Variants in NCAPD2 observed in about 807,000 individuals in gnomAD.
NCAPD2 encodes condensin complex subunit 1.
In NCAPD2, 100 loss-of-function variants were observed where a neutral mutation model predicts 164.5. The ratio of observed to expected loss-of-function variants is 0.61; its 90% CI spans 0.52 to 0.72. The LOEUF is 0.72. Ranked by LOEUF, NCAPD2 falls within the 30% of genes least tolerant of loss-of-function variation. NCAPD2 has a pLI of 0.00. For synonymous variants in NCAPD2, 585 were observed against 642.6 expected (o/e 0.91, Z 1.36); for missense variants, 1,560 against 1,749.2 (o/e 0.89, Z 1.93).
intron 1 of NCAPD2, 66 bp from the exon 2 acceptor site, chr12:6,495,010 A>G: frequency 2.0e-6 from 3 of 1,519,278 alleles, no homozygotes; most frequent in Non-Finnish European, 2.7e-6. Context: ...ATGGGAAAGT[A>G]ATAGAACCAG....
At chr12:6,510,278 C>T (rs1946134056) in intron 4 of NCAPD2, 145 bp downstream of exon 4, 1 of 933,994 alleles carries the variant, frequency 1.1e-6, no homozygotes, top group African/African-American at 1.6e-5. Context: ...AGCCCAGGGA[C>T]CTTTGGCCTG....
intron 6 of NCAPD2, among the ~76,000 whole-genome samples, chr12:6,512,717 G>A (rs186011282): frequency 7.9e-5 from 12 of 152,328 alleles, no homozygotes; most frequent in African/African-American, 2.2e-4. Context: ...TATTGAAATC[G>A]ACTATGGAGG....
At chr12:6,513,594 G>A (rs1946170500) in intron 6 of NCAPD2, among the ~76,000 whole-genome samples, 1 of 152,002 alleles carries the variant, frequency 6.6e-6, no homozygotes, top group Admixed American at 6.6e-5. Context: ...GCGAGATAAA[G>A]CATATATTTC....
chr12:6,501,262 G>T lies in NCAPD2; in HGVS notation c.127+6037G>T, dbSNP rs190251780. Among the ~76,000 whole-genome samples, 335 of 115,872 alleles carry T rather than the reference G, an allele frequency of 2.9e-3. 6 individuals are homozygous for T. Among genetic ancestry groups the T allele is most frequent in the African/African-American group, 0.011 (323 of 30,144 alleles). 76.0% of individuals were successfully genotyped at this position (115,872 alleles called of 152,430 possible). A position where few individuals can be genotyped will look rare whatever the true frequency, so the allele number is the denominator to read the frequency against. On this transcript the variant is annotated intron_variant, in intron 2 of 31. Transcript: ENST00000315579. The stretch of plus-strand genomic sequence containing the variant: ...TTTTTTTTTTTTTTTTTTTTTTTAG[G>T]CAGAGTCTCGCTCTCTCGCCCAGGC...
intron 2 of NCAPD2, among the ~76,000 whole-genome samples, chr12:6,503,603 C>G (rs1330453951): frequency 1.3e-5 from 2 of 152,032 alleles, no homozygotes; most frequent in African/African-American, 4.8e-5. Context: ...AACCCCGTCT[C>G]TACTAAAAAT....
chr12:6,518,504 GTTTTTTTTTT>G (rs56183938), intron 13 of NCAPD2, among the ~76,000 whole-genome samples: 14 of 44,782 alleles, frequency 3.1e-4, no homozygotes, highest in South Asian at 2.5e-3. Context: ...CCGTCAACAA[GTTTTTTTTTT>G]TTTTTTTTTT....
In NCAPD2 at chr12:6,528,745, G is replaced by A. The variant is rs759275805; in HGVS notation, c.3366G>A (p.Lys1122=). 2.5e-6 allele frequency: 4 copies of A among 1,614,018 alleles called. No individual in the cohort carries two copies. Among genetic ancestry groups the A allele is most frequent in the Non-Finnish European group, 3.4e-6 (4 of 1,180,008 alleles). ...AGLVMTHLIL[K]DMVKVKGQVS... ...TGGTGATGACCCACCTGATCCTCAAGGACATGGTGAAGGTGAAGGGGCAGG... is the reference window on the plus strand; with the variant it reads ...TGGTGATGACCCACCTGATCCTCAAAGACATGGTGAAGGTGAAGGGGCAGG... Residue 1122 remains lysine, a synonymous_variant, in exon 26 of 32, where the codon AAG becomes AAA. Coordinates refer to ENST00000315579, the MANE Select transcript of NCAPD2 (RefSeq NM_014865.4). The surrounding 1 kb of genome is among the most constrained non-coding windows in gnomAD (Gnocchi z 5.1).
At chr12:6,521,744 G>T (rs753854951) in intron 14 of NCAPD2, 54 bp from the exon 15 acceptor site, 87 of 1,579,210 alleles carry the variant, frequency 5.5e-5, no homozygotes, top group Middle Eastern at 1.9e-4. Context: ...ACAGCTGTTG[G>T]ATTCCCCTGT....
chr12:6,527,163 G>C, intron 22 of NCAPD2, 100 bp downstream of exon 22: 6 of 1,302,010 alleles, frequency 4.6e-6, no homozygotes, highest in Middle Eastern at 1.9e-4. Flanking sequence ...GCTATTACAT[G>C]AAGCGAAGAG....
chr12:6,514,652 GA>G, intron 8 of NCAPD2, 65 bp downstream of exon 8: 1 of 1,611,978 alleles, frequency 6.2e-7, no homozygotes, highest in Non-Finnish European at 8.5e-7. Context: ...AGAAAGATTG[GA>G]AATACATTAT....
At chr12:6,527,273 A>T (rs1565547061) in intron 22 of NCAPD2, among the ~76,000 whole-genome samples, 1 of 152,208 alleles carries the variant, frequency 6.6e-6, no homozygotes, top group Non-Finnish European at 1.5e-5. Flanking sequence ...GTAAATGCAG[A>T]GTGTGGAGTT....
Position 6,530,956 on chromosome 12 carries a change from G to A in NCAPD2, c.4000G>A (p.Asp1334Asn). ...RYQPLASTASDNDFVTPEPRR... is the reference protein window; with the variant it reads ...RYQPLASTASNNDFVTPEPRR... ...CCAGCCTCTGGCTTCTACAGCCTCA[G>A]ACAATGACTTTGTCACACCAGAGCC... Residue 1334 changes from aspartate to asparagine, a missense_variant, in exon 31 of 32, where the codon GAC (aspartate) becomes AAC (asparagine). Transcript: ENST00000315579. 1 of 1,614,156 alleles carries A rather than the reference G, an allele frequency of 6.2e-7. No individual in the cohort carries two copies. The highest frequency in any genetic ancestry group is 2.2e-5 in the East Asian group (1 of 44,882).
chr12:6,504,250 G>A (rs1349580633), intron 2 of NCAPD2, among the ~76,000 whole-genome samples: 1 of 88,838 alleles, frequency 1.1e-5, no homozygotes, highest in African/African-American at 3.7e-5. Context: ...TATACCATTG[G>A]TCCTTGAACA....
At chr12:6,510,177 C>T (rs1420466540) in intron 4 of NCAPD2, 44 bp downstream of exon 4, 3 of 1,537,926 alleles carry the variant, frequency 2.0e-6, no homozygotes, top group Admixed American at 1.7e-5. Context: ...TGTTTGTTAT[C>T]GTTTGTTTGT....
At chr12:6,510,039 T>C (rs779407536) in intron 3 of NCAPD2, 36 bp from the exon 4 acceptor site, 1 of 1,601,160 alleles carries the variant, frequency 6.2e-7, no homozygotes. Flanking sequence ...TGCAGGCTCC[T>C]TCCTGTCTCA....
At position 6,516,834 on chromosome 12, in the gene NCAPD2, A is replaced by G. The variant is rs1170651681; in HGVS notation, c.994A>G (p.Met332Val). Residue 332 changes from methionine (M) to valine (V), a missense_variant, in exon 10 of 32, where the codon ATG (methionine) becomes GTG (valine). Transcript: ENST00000315579. Reference sequence around the variant, plus strand: ...CTATGCTTCTCTCTCTTAGAATTACATGATGCGTAATGCTGTGCTGGCAGC... The same window carrying G: ...CTATGCTTCTCTCTCTTAGAATTACGTGATGCGTAATGCTGTGCTGGCAGC... ...LLDHLDGENYMMRNAVLAAMA... is the reference protein window; with the variant it reads ...LLDHLDGENYVMRNAVLAAMA... 5 of 1,613,980 alleles carry G rather than the reference A, an allele frequency of 3.1e-6. No homozygotes were observed. The highest frequency in any genetic ancestry group is 4.2e-6 in the Non-Finnish European group (5 of 1,179,990).
rs1946362713 is a variant in NCAPD2 at position 6,530,685 on chromosome 12, C to T, written c.3838-6C>T. ...GCCTGCTCTGAATCTCCTTTTCTCC[C>T]TCCAGGCTATAATAGATGAATTTGA... On this transcript the variant is annotated splice_region_variant and splice_polypyrimidine_tract_variant and intron_variant, in intron 29 of 31. Coordinates refer to ENST00000315579, the MANE Select transcript of NCAPD2 (RefSeq NM_014865.4). 6.2e-7 allele frequency: 1 copy of T among 1,614,020 alleles called. No homozygotes were observed. Among genetic ancestry groups the T allele is most frequent in the East Asian group, 2.2e-5 (1 of 44,880 alleles).
chr12:6,527,703 G>A, intron 22 of NCAPD2, 74 bp from the exon 23 acceptor site: 1 of 1,401,204 alleles, frequency 7.1e-7, no homozygotes, highest in Non-Finnish European at 9.9e-7. Context: ...CTTTGTTCAT[G>A]CAAAACAAAG....
At chr12:6,516,066 C>T (rs1375798959) in intron 9 of NCAPD2, among the ~76,000 whole-genome samples, 4 of 149,686 alleles carry the variant, frequency 2.7e-5, no homozygotes, top group South Asian at 4.3e-4. Flanking sequence ...TGTGGTGGCG[C>T]GCACCTGTAA....
Sources: gnomAD v4.1 joint callset for allele counts (sites outside exome capture counted in the v4.1 genomes callset) on GRCh38, gnomAD v4.1.1 for gene constraint, Gnocchi (gnomAD v3.1) non-coding constraint, MANE v1.5 for transcripts, NCBI Gene and HGNC (gene_info 2026-07-23, HGNC 2026-07-21) for gene names.